The following OTOA variants were observed in gnomAD, a reference collection of about 807,000 sequenced individuals.
OTOA encodes the protein cancer/testis antigen 108.
A neutral mutation model predicts 110.8 loss-of-function variants in OTOA; 70 were observed. That is an observed-to-expected ratio of 0.63 (90% CI 0.52 to 0.77). OTOA has a LOEUF of 0.77. OTOA is among the 30% of genes least tolerant of loss of function. The pLI, the probability that OTOA is intolerant of heterozygous loss-of-function variation, is 0.00. For missense variants in OTOA, 917 were observed against 1,075.8 expected (o/e 0.85, Z 2.06); for synonymous variants, 373 against 431.5 (o/e 0.86, Z 1.68).
intron 18 of OTOA, among the ~76,000 whole-genome samples, chr16:21,724,211 C>G (rs1898844986): frequency 6.6e-6 from 1 of 152,096 alleles, no homozygotes; most frequent in South Asian, 2.1e-4. Flanking sequence ...CCTTTCTCAA[C>G]TTTTTTATTG....
At chr16:21,686,843 T>C (rs951975003) in intron 7 of OTOA, among the ~76,000 whole-genome samples, 2 of 152,080 alleles carry the variant, frequency 1.3e-5, no homozygotes, top group Non-Finnish European at 2.9e-5. Flanking sequence ...CAGTGAGCTA[T>C]AATCACACCA....
chr16:21,684,657 C>T lies in OTOA; in HGVS notation c.268-573C>T, dbSNP rs73549616. On this transcript the variant is annotated intron_variant, in intron 6 of 28. Coordinates refer to ENST00000646100, the MANE Select transcript of OTOA (RefSeq NM_144672.4). ...TATTGCCTAAAAGGGGATGTGCGCC[C>T]GGTGTTGCCAAACCTTTACTTTTTC... 1,202 of 826,448 alleles carry T rather than the reference C, an allele frequency of 1.5e-3. 14 individuals are homozygous for T. The African/African-American group carries it at 0.016, about 11-fold the overall frequency. 51.2% of individuals were successfully genotyped at this position (826,448 alleles called of 1,614,324 possible).
chr16:21,697,993 C>T, intron 10 of OTOA, 118 bp downstream of exon 10: 1 of 873,504 alleles, frequency 1.1e-6, no homozygotes, highest in Non-Finnish European at 1.9e-6. Context: ...GTGTACCCTC[C>T]TCAGCCCAAT....
intron 1 of OTOA, among the ~76,000 whole-genome samples, chr16:21,676,193 A>T (rs1234621616): frequency 1.3e-5 from 2 of 152,190 alleles, no homozygotes; most frequent in African/African-American, 2.4e-5. Flanking sequence ...GGCTGGGATT[A>T]TAGGCATGAG....
At chr16:21,759,654 A>G (rs1277921372) in intron 28 of OTOA, among the ~76,000 whole-genome samples, 3 of 152,104 alleles carry the variant, frequency 2.0e-5, no homozygotes, top group Non-Finnish European at 4.4e-5. Context: ...TAATCCCAGC[A>G]CTTTGGGAGG....
chr16:21,676,077 C>G (rs1005405773), intron 1 of OTOA, among the ~76,000 whole-genome samples: 2 of 151,980 alleles, frequency 1.3e-5, no homozygotes, highest in African/African-American at 4.8e-5. Flanking sequence ...CTGCCACATC[C>G]CTGGCAAAGT....
chr16:21,697,037 C>CT (rs56124254), intron 9 of OTOA, among the ~76,000 whole-genome samples: 19,345 of 65,204 alleles, frequency 0.3, 4,287 homozygotes, highest in African/African-American at 0.32. Flanking sequence ...CTACAGCTGG[C>CT]TTTTTTTTTT....
At position 21,697,037 on chromosome 16, in the gene OTOA, C is replaced by CTTTTTTTTTTT. The variant is rs56124254; in HGVS notation, c.740-724_740-714dup. ...CCTGAGTAGCTGGGACTACAGCTGG[C>CTTTTTTTTTTT]TTTTTTTTTTTTTTTTTTTTTTTTG... On this transcript the variant is annotated intron_variant, in intron 9 of 28. Coordinates refer to ENST00000646100, the MANE Select transcript of OTOA (RefSeq NM_144672.4). Among the ~76,000 whole-genome samples, 15 of 65,044 alleles carry CTTTTTTTTTTT rather than the reference C, an allele frequency of 2.3e-4. 1 individual carries two copies. The highest frequency in any genetic ancestry group is 7.9e-4 in the South Asian group (1 of 1,264). 42.7% of individuals were successfully genotyped at this position (65,044 alleles called of 152,430 possible). A position where few individuals can be genotyped will look rare whatever the true frequency, so the allele number is the denominator to read the frequency against.
intron 1 of OTOA, among the ~76,000 whole-genome samples, chr16:21,677,761 C>T (rs576659240): frequency 2.0e-5 from 3 of 151,088 alleles, no homozygotes; most frequent in African/African-American, 7.3e-5. Flanking sequence ...GGATTACAGG[C>T]GTGAGCCACT....
In OTOA at chr16:21,680,662, G is replaced by A. The variant is rs367859705; in HGVS notation, c.180-1076G>A. Among the ~76,000 whole-genome samples, 7 of 152,150 alleles carry A rather than the reference G, an allele frequency of 4.6e-5. No homozygotes were observed. In the East Asian group the frequency reaches 1.4e-3, roughly 29 times the overall value. ...AAGGCCAGGAGTTCCAGCCCAGCCC[G>A]GCCAACATGGCAAAACTCAGTATCT... On this transcript the variant is annotated intron_variant, in intron 5 of 28. Transcript: ENST00000646100.
chr16:21,703,119 T>C (rs1265036735), intron 11 of OTOA, among the ~76,000 whole-genome samples: 2 of 152,170 alleles, frequency 1.3e-5, no homozygotes, highest in African/African-American at 4.8e-5. Context: ...TTTTTTGCGG[T>C]GAGAACACTT....
In OTOA at chr16:21,687,464, C is replaced by G. The variant is rs368501820; in HGVS notation, c.451C>G (p.Gln151Glu). Residue 151 changes from glutamine (Q) to glutamate (E), a missense_variant, in exon 8 of 29, where the codon CAG (glutamine) becomes GAG (glutamate). Coordinates refer to ENST00000646100, the MANE Select transcript of OTOA (RefSeq NM_144672.4). ...DLGEIRERALQSPGVNRSLFL... is the reference protein window; with the variant it reads ...DLGEIRERALESPGVNRSLFL... ...AGGAGAGATTCGAGAACGAGCCTTG[C>G]AGAGCCCTGGCGTGAACCGCAGCCT... 24 of 1,614,046 alleles carry G rather than the reference C, an allele frequency of 1.5e-5. No individual in the cohort carries two copies. Among genetic ancestry groups the G allele is most frequent in the Non-Finnish European group, 1.7e-5 (20 of 1,180,004 alleles).
In OTOA at chr16:21,717,024, G is replaced by T; in HGVS notation, c.1606G>T (p.Asp536Tyr). 1 of 1,614,122 alleles carries T rather than the reference G, an allele frequency of 6.2e-7. No homozygotes were observed. The highest frequency in any genetic ancestry group is 1.1e-5 in the South Asian group (1 of 91,082). Residue 536 changes from aspartate to tyrosine, a missense_variant, in exon 15 of 29, where the codon GAT becomes TAT. Physicochemically the swap from Asp to Tyr is radical, Grantham distance 160. This residue lies in a region of OTOA where 840 missense variants were observed against 910.2 expected (regional missense o/e 0.92). Transcript: ENST00000646100. ...TGGATTCAACTCTACAGTCCTGAAG[G>T]ATAAGGAACTTGGAAGGAGCCAGGT... ...QPGFNSTVLKDKELGRSQALF... is the reference protein window; with the variant it reads ...QPGFNSTVLKYKELGRSQALF...
At chr16:21,678,444 G>T in intron 1 of OTOA, 67 bp from the exon 2 acceptor site, 1 of 884,824 alleles carries the variant, frequency 1.1e-6, no homozygotes, top group Non-Finnish European at 1.8e-6. Flanking sequence ...GTATATATAT[G>T]TGTGTGTGTG....
intron 12 of OTOA, among the ~76,000 whole-genome samples, chr16:21,708,619 G>A (rs1284826696): frequency 1.3e-5 from 2 of 152,164 alleles, no homozygotes. Context: ...TTACAGATGT[G>A]GAAACTGATT....
intron 6 of OTOA, chr16:21,684,453 T>C: frequency 6.5e-7 from 1 of 1,544,180 alleles, no homozygotes; most frequent in Non-Finnish European, 8.8e-7. Context: ...GCTCCTGCGC[T>C]GGTAGCTTGG....
At chr16:21,672,161 TG>T in intron 1 of OTOA, among the ~76,000 whole-genome samples, 1 of 152,212 alleles carries the variant, frequency 6.6e-6, no homozygotes, top group East Asian at 1.9e-4. Context: ...TGGAATCATA[TG>T]TTATGTGGTC....
At chr16:21,673,898 T>C (rs961748443) in intron 1 of OTOA, among the ~76,000 whole-genome samples, 7 of 152,160 alleles carry the variant, frequency 4.6e-5, no homozygotes, top group African/African-American at 1.7e-4. Context: ...CCTGGGTTCA[T>C]GCCATTCTCC....
intron 21 of OTOA, among the ~76,000 whole-genome samples, chr16:21,735,690 CTCTGGTGATCCT>C: frequency 6.6e-6 from 1 of 152,238 alleles, no homozygotes; most frequent in Non-Finnish European, 1.5e-5. Context: ...GCCTCCTGGG[CTCTGGTGATCCT>C]TCTGTCTCAG....
Sources: gnomAD v4.1 joint callset for allele counts (sites outside exome capture counted in the v4.1 genomes callset) on GRCh38, gnomAD v4.1.1 for gene constraint, gnomAD v4.1.1 regional missense constraint, MANE v1.5 for transcripts, NCBI Gene and HGNC (gene_info 2026-07-23, HGNC 2026-07-21) for gene names.